TASP1: variants seen among roughly 807,000 people sequenced by gnomAD.
The protein encoded by TASP1 is threonine aspartase 1.
A neutral mutation model predicts 56.6 loss-of-function variants in TASP1; 16 were observed. The ratio of observed to expected loss-of-function variants is 0.28; its 90% confidence interval spans 0.19 to 0.43. The LOEUF (loss-of-function observed/expected upper bound fraction) is 0.43, where lower values mean the gene tolerates loss of function less well. TASP1 is among the 20% of genes least tolerant of loss of function. The pLI is 1.00. For synonymous variants in TASP1, 179 were observed against 184.2 expected, an observed-to-expected ratio of 0.97 and a Z score of 0.23; for missense variants, 393 against 511.6, an observed-to-expected ratio of 0.77 and a Z score of 2.24.
the TASP1 span, among the ~76,000 whole-genome samples, chr20:13,323,337 C>A: frequency 6.6e-6 from 1 of 152,020 alleles, no homozygotes; most frequent in African/African-American, 2.4e-5. Context: ...ATGACTCAGG[C>A]GGAGCAAGGC....
At chr20:13,230,351 T>C in the TASP1 span, among the ~76,000 whole-genome samples, 4 of 152,330 alleles carry the variant, frequency 2.6e-5, no homozygotes, top group East Asian at 7.7e-4. Context: ...TTCAAGAAAC[T>C]TCTCCTGTAG....
chr20:13,298,901 T>C, the TASP1 span: 1 of 1,597,332 alleles, frequency 6.3e-7, no homozygotes, highest in Non-Finnish European at 8.5e-7. Flanking sequence ...TGTGGGCCGG[T>C]TGTACACGCG....
chr20:13,180,922 T>C, the TASP1 span, among the ~76,000 whole-genome samples: 1 of 152,176 alleles, frequency 6.6e-6, no homozygotes, highest in Non-Finnish European at 1.5e-5. Flanking sequence ...CACAGCAAGA[T>C]TTAATAAAAA....
intron 8 of TASP1, among the ~76,000 whole-genome samples, chr20:13,544,571 G>A (rs2045740326): frequency 1.3e-5 from 2 of 152,154 alleles, no homozygotes; most frequent in South Asian, 4.1e-4. Flanking sequence ...CGACTAATAG[G>A]ATATGAATTC....
chr20:13,211,351 T>C, the TASP1 span, among the ~76,000 whole-genome samples: 1 of 152,180 alleles, frequency 6.6e-6, no homozygotes, highest in African/African-American at 2.4e-5. Context: ...ATAACCTCAA[T>C]TAAGACTCTA....
the TASP1 span, among the ~76,000 whole-genome samples, chr20:13,160,947 A>G: frequency 6.6e-6 from 1 of 152,348 alleles, no homozygotes; most frequent in African/African-American, 2.4e-5. Context: ...ATCATTCAAG[A>G]CTTCCAATCA....
chr20:13,211,148 C>T, the TASP1 span, among the ~76,000 whole-genome samples: 2 of 152,198 alleles, frequency 1.3e-5, no homozygotes, highest in East Asian at 3.9e-4. Flanking sequence ...AATGAGATGC[C>T]TAGAAAATAT....
At chr20:13,633,349 C>A (rs911721979) in intron 1 of TASP1, among the ~76,000 whole-genome samples, 19 of 152,132 alleles carry the variant, frequency 1.2e-4, no homozygotes, top group South Asian at 4.1e-4. Context: ...TAACTAATAA[C>A]AAAAGATGGG....
At chr20:13,450,632 G>A (rs1008819187) in intron 11 of TASP1, among the ~76,000 whole-genome samples, 1 of 152,066 alleles carries the variant, frequency 6.6e-6, no homozygotes, top group Non-Finnish European at 1.5e-5. Flanking sequence ...CAGCAATTCA[G>A]TCACATCTTC....
the TASP1 span, among the ~76,000 whole-genome samples, chr20:13,283,243 A>G: frequency 6.6e-6 from 1 of 152,072 alleles, no homozygotes; most frequent in South Asian, 2.1e-4. Flanking sequence ...CTAAGTATTT[A>G]TCCCTATATT....
At chr20:13,256,146 A>G in the TASP1 span, among the ~76,000 whole-genome samples, 1 of 152,098 alleles carries the variant, frequency 6.6e-6, no homozygotes, top group African/African-American at 2.4e-5. Flanking sequence ...CTGTTATCCC[A>G]GCACTTTGGG....
chr20:13,445,642 A>T (rs2043383163), intron 11 of TASP1, among the ~76,000 whole-genome samples: 1 of 152,168 alleles, frequency 6.6e-6, no homozygotes, highest in Non-Finnish European at 1.5e-5. Context: ...AGCATTCTCC[A>T]TGATTAACTT....
chr20:13,134,490 G>A, the TASP1 span, among the ~76,000 whole-genome samples: 1 of 152,146 alleles, frequency 6.6e-6, no homozygotes, highest in Non-Finnish European at 1.5e-5. Flanking sequence ...CAGACAGAAG[G>A]GAGAGAGTGA....
the TASP1 span, among the ~76,000 whole-genome samples, chr20:13,176,870 A>G: frequency 1.3e-5 from 2 of 152,204 alleles, no homozygotes; most frequent in African/African-American, 4.8e-5. Flanking sequence ...ATCGCTACCA[A>G]AAACAATAGA....
the TASP1 span, among the ~76,000 whole-genome samples, chr20:13,286,654 C>G: frequency 1.3e-5 from 2 of 152,110 alleles, no homozygotes; most frequent in South Asian, 4.2e-4. Flanking sequence ...ATGAAATCCA[C>G]CCCCCACCAC....
At chr20:13,319,053 G>A in the TASP1 span, among the ~76,000 whole-genome samples, 1 of 152,190 alleles carries the variant, frequency 6.6e-6, no homozygotes, top group Admixed American at 6.5e-5. Flanking sequence ...AGGTTCATCA[G>A]TTGTAACAAA....
the TASP1 span, among the ~76,000 whole-genome samples, chr20:13,188,351 T>TGC: frequency 6.6e-6 from 1 of 152,126 alleles, no homozygotes. Context: ...AGTTGCAGGA[T>TGC]ACAAAATCAA....
At chr20:13,579,523 C>T (rs2047042856) in intron 6 of TASP1, among the ~76,000 whole-genome samples, 1 of 152,018 alleles carries the variant, frequency 6.6e-6, no homozygotes, top group Admixed American at 6.6e-5. Context: ...GCCACCATAC[C>T]CGGCTAATTT....
At chr20:13,141,985 A>G in the TASP1 span, among the ~76,000 whole-genome samples, 9 of 152,354 alleles carry the variant, frequency 5.9e-5, no homozygotes, top group Middle Eastern at 3.4e-3. Context: ...GGTTTGTCCA[A>G]TAAATGCAAA....
Sources: allele counts gnomAD v4.1 joint callset (sites outside exome capture counted in the v4.1 genomes callset), GRCh38; gene constraint gnomAD v4.1.1; transcripts MANE v1.5; gene names NCBI Gene and HGNC (gene_info 2026-07-23, HGNC 2026-07-21).